PLK3: variants seen among roughly 807,000 people sequenced by gnomAD.
The protein encoded by PLK3 is serine/threonine-protein kinase PLK3.
PLK3 carries 41 observed loss-of-function variants against 71.6 expected under a neutral mutation model. The observed-to-expected ratio is 0.57, with a 90% confidence interval of 0.45 to 0.74. The LOEUF is 0.74. Ranked by LOEUF, PLK3 falls within the 30% of genes least tolerant of loss-of-function variation. The probability of loss-of-function intolerance (pLI) is 0.00; values close to 1 mark genes in which losing one functional copy is unlikely to be tolerated. For synonymous variants in PLK3, 366 were observed against 355.4 expected (o/e 1.03, Z -0.33); for missense variants, 791 against 875.6 (o/e 0.90, Z 1.22).
At position 44,800,648 on chromosome 1, in the gene PLK3, A is replaced by G. The variant is rs1651795869; in HGVS notation, c.185A>G (p.Tyr62Cys). The change falls in exon 1 of 15, where the codon TAC (tyrosine) becomes TGC (cysteine). Residue 62 changes from tyrosine (Y) to cysteine (C), a missense_variant. Coordinates refer to ENST00000372201, the MANE Select transcript of PLK3 (RefSeq NM_004073.4). The surrounding 1 kb of genome is among the most constrained non-coding windows in gnomAD (Gnocchi z 6.5). ...LITDPRSGRT[Y>C]LKGRLLGKGG... ...ACGGACCCGCGCAGCGGCCGCACCT[A>G]CCTCAAAGGCCGCTTGTTGGGCAAG... The G allele has an allele frequency of 1.9e-6, 3 of 1,547,766 alleles. No homozygotes were observed. The highest frequency in any genetic ancestry group is 2.6e-6 in the Non-Finnish European group (3 of 1,150,708).
rs754930255 is a variant in PLK3 at position 44,804,844 on chromosome 1, G to T, written c.1635+65G>T. 3 of 1,533,994 alleles carry T rather than the reference G, an allele frequency of 2.0e-6. No individual in the cohort carries two copies. The African/African-American group carries it at 4.1e-5, about 21-fold the overall frequency. On this transcript the variant is annotated intron_variant, in intron 13 of 14. Transcript: ENST00000372201. ...ATCCTGGCCGGGTGCGGTGGCTCAC[G>T]CCTGTAATCCCAGCACTTTGGGAGG...
rs1459905131 is a variant in PLK3, at chr1:44,804,752, C to T, written c.1608C>T (p.Ala536=). The T allele has an allele frequency of 1.2e-5, 19 of 1,614,110 alleles. No homozygotes were observed. The highest frequency in any genetic ancestry group is 8.5e-6 in the Non-Finnish European group (10 of 1,179,966). ...AGCTGGGTATCCTGCGGTACTTCGC[C>T]TCCTACATGGAGCAGCACCTCATGA... ...QPQLGILRYF[A]SYMEQHLMKG... The change falls in exon 13 of 15, where the codon GCC becomes GCT. Residue 536 remains alanine (A), a synonymous_variant. Transcript: ENST00000372201.
chr1:44,801,978 C>A (rs144145740), intron 5 of PLK3, 46 bp downstream of exon 5: 4 of 1,404,212 alleles, frequency 2.8e-6, no homozygotes, highest in African/African-American at 2.8e-5. Context: ...AGATGACATG[C>A]GTGATAGACA....
At chr1:44,801,502 C>G (rs1651828772) in intron 3 of PLK3, 120 bp from the exon 4 acceptor site, 1 of 1,106,174 alleles carries the variant, frequency 9.0e-7, no homozygotes, top group African/African-American at 1.6e-5. Flanking sequence ...GCCACTACAC[C>G]CAGCCGAGAA....
chr1:44,800,890 C>T lies in PLK3; in HGVS notation c.261C>T (p.Ala87=). ...YEATDTETGS[A]YAVKVIPQSR... is the part of the protein sequence containing the mutation. ...CCACTGACACAGAGACTGGCAGCGC[C>T]TACGCTGTCAAAGTCATCCCGCAGA... Residue 87 remains alanine, a synonymous_variant, in exon 2 of 15, where the codon GCC becomes GCT. Coordinates refer to ENST00000372201, the MANE Select transcript of PLK3 (RefSeq NM_004073.4). This position sits in a 1 kb window ranked among gnomAD's most constrained non-coding sequence, Gnocchi z 6.5. 6.2e-7 allele frequency: 1 copy of T among 1,612,178 alleles called. No individual in the cohort carries two copies. Among genetic ancestry groups the T allele is most frequent in the Non-Finnish European group, 8.5e-7 (1 of 1,179,874 alleles).
In PLK3 at chr1:44,804,241, C is replaced by T. The variant is rs1459797969; in HGVS notation, c.1337C>T (p.Pro446Leu). The change falls in exon 11 of 15, where the codon CCC becomes CTC. Residue 446 changes from proline to leucine, a missense_variant. Pro to Leu is a moderately conservative substitution (Grantham distance 98). Coordinates refer to ENST00000372201, the MANE Select transcript of PLK3 (RefSeq NM_004073.4). ...CTGAGAAATTGTATAGCCTTCATGC[C>T]CCCAGGTAAGGGTGGGGTCTGGTAC... Reference protein sequence around the residue: ...CALRNCIAFMPPAEQNPAPLA... With the variant: ...CALRNCIAFMLPAEQNPAPLA... 6.2e-7 allele frequency: 1 copy of T among 1,613,478 alleles called. No individual in the cohort carries two copies. The highest frequency in any genetic ancestry group is 1.3e-5 in the African/African-American group (1 of 74,874).
chr1:44,805,023 G>A lies in PLK3; in HGVS notation c.1636-243G>A, dbSNP rs992310192. The A allele has an allele frequency of 8.7e-6, 5 of 577,888 alleles. No individual in the cohort carries two copies. In the Admixed American group the frequency reaches 9.1e-5, roughly 11 times the overall value. 35.8% of individuals were successfully genotyped at this position (577,888 alleles called of 1,614,324 possible). On this transcript the variant is annotated intron_variant, in intron 13 of 14. Coordinates refer to ENST00000372201, the MANE Select transcript of PLK3 (RefSeq NM_004073.4). ...GGGAGGCTGAGGCAGGAGAATGGGC[G>A]AACCCAGGAGGCGGAGCTTGCAGTG...
In PLK3 at chr1:44,800,572, G is replaced by A. The variant is rs968361297; in HGVS notation, c.109G>A (p.Glu37Lys). 2 of 1,533,306 alleles carry A rather than the reference G, an allele frequency of 1.3e-6. No homozygotes were observed. The highest frequency in any genetic ancestry group is 1.7e-6 in the Non-Finnish European group (2 of 1,144,686). 95.0% of individuals were successfully genotyped at this position (1,533,306 alleles called of 1,614,324 possible). ...GPPPSALRGP[E>K]LEMLAGLPTS... ...GCCTCCGAGTGCCTTGCGCGGACCT[G>A]AGCTGGAGATGCTGGCCGGGCTACC... is the stretch of plus-strand genomic sequence containing the variant. Residue 37 changes from glutamate (E) to lysine (K), a missense_variant, in exon 1 of 15, where the codon GAG (glutamate) becomes AAG (lysine). Physicochemically the swap from Glu to Lys is moderately conservative, Grantham distance 56. Transcript: ENST00000372201. This position sits in a 1 kb window ranked among gnomAD's most constrained non-coding sequence, Gnocchi z 6.5.
chr1:44,805,548 C>G lies in PLK3; in HGVS notation c.1811C>G (p.Thr604Ser), dbSNP rs1651999157. 1.2e-6 allele frequency: 2 copies of G among 1,614,070 alleles called. No individual in the cohort carries two copies. The highest frequency in any genetic ancestry group is 4.5e-5 in the East Asian group (2 of 44,896). Residue 604 changes from threonine to serine, a missense_variant, in exon 15 of 15, where the codon ACT (threonine) becomes AGT (serine). By Grantham distance (58) the Thr-to-Ser change is moderately conservative. Transcript: ENST00000372201. ...ILSGWEPLLV[T>S]FVARNRSACT... ...AGTGGCTGGGAGCCCCTCCTTGTGA[C>G]TTTTGTGGCCCGAAATCGTAGTGCT... is the stretch of plus-strand genomic sequence containing the variant.
chr1:44,801,784 GGGGAGGGA>G lies in PLK3; in HGVS notation c.566-46_566-39del, dbSNP rs747873557. The G allele has an allele frequency of 3.8e-5, 61 of 1,594,248 alleles. 1 individual carries two copies. Among genetic ancestry groups the G allele is most frequent in the Middle Eastern group, 3.3e-4 (2 of 6,020 alleles). On this transcript the variant is annotated intron_variant, in intron 4 of 14. Coordinates refer to ENST00000372201, the MANE Select transcript of PLK3 (RefSeq NM_004073.4). Reference sequence around the variant, plus strand: ...TCCTGAGCCTGGAGGATGGGAGGTTGGGGAGGGAGGGAGGGAGGGAGGAAGGAAAGAAT... The same window carrying G: ...TCCTGAGCCTGGAGGATGGGAGGTTGGGGAGGGAGGGAGGAAGGAAAGAAT...
In PLK3 at chr1:44,804,149, C is replaced by T; in HGVS notation, c.1259-14C>T. 1 of 1,610,052 alleles carries T rather than the reference C, an allele frequency of 6.2e-7. No homozygotes were observed. The highest frequency in any genetic ancestry group is 1.1e-5 in the South Asian group (1 of 90,998). On this transcript the variant is annotated splice_polypyrimidine_tract_variant and intron_variant, in intron 10 of 14. Coordinates refer to ENST00000372201, the MANE Select transcript of PLK3 (RefSeq NM_004073.4). Reference sequence around the variant, plus strand: ...GGTGCTAATTCCTAAATCTCAGTGCCCTGTCTCCTTCAGGATTTGAAGAAG... The same window carrying T: ...GGTGCTAATTCCTAAATCTCAGTGCTCTGTCTCCTTCAGGATTTGAAGAAG...
chr1:44,802,808 A>C lies in PLK3; in HGVS notation c.702A>C (p.Arg234Ser). 1 of 1,613,876 alleles carries C rather than the reference A, an allele frequency of 6.2e-7. No individual in the cohort carries two copies. Among genetic ancestry groups the C allele is most frequent in the Non-Finnish European group, 8.5e-7 (1 of 1,179,890 alleles). Reference sequence around the variant, plus strand: ...ATGTGGCTCCAGAAGTGCTGCTGAGACAGGGCCACGGCCCTGAGGCGGATG... The same window carrying C: ...ATGTGGCTCCAGAAGTGCTGCTGAGCCAGGGCCACGGCCCTGAGGCGGATG... ...PNYVAPEVLL[R>S]QGHGPEADVW... Residue 234 changes from arginine to serine, a missense_variant, in exon 6 of 15, where the codon AGA becomes AGC. By Grantham distance (110) the Arg-to-Ser change is moderately radical. Transcript: ENST00000372201.
chr1:44,805,253 A>T lies in PLK3; in HGVS notation c.1636-13A>T, dbSNP rs772301805. 6.3e-6 allele frequency: 10 copies of T among 1,589,182 alleles called. No individual in the cohort carries two copies. Among genetic ancestry groups the T allele is most frequent in the Middle Eastern group, 1.7e-4 (1 of 6,010 alleles). Reference sequence around the variant, plus strand: ...CACGCTGGATCAGTGACCTGCCCTGATCCTGCTCCCAGGGTGGAGATCTGC... The same window carrying T: ...CACGCTGGATCAGTGACCTGCCCTGTTCCTGCTCCCAGGGTGGAGATCTGC... On this transcript the variant is annotated splice_polypyrimidine_tract_variant and intron_variant, in intron 13 of 14. Coordinates refer to ENST00000372201, the MANE Select transcript of PLK3 (RefSeq NM_004073.4).
rs981937897 is a variant in PLK3 at position 44,803,498 on chromosome 1, T to C, written c.1073-102T>C. ...TGCCTGGAAACTCCTGGGGAGAGCA[T>C]GTGCAGTACAGGCACTTGGGGAGGC... On this transcript the variant is annotated intron_variant, in intron 8 of 14. Coordinates refer to ENST00000372201, the MANE Select transcript of PLK3 (RefSeq NM_004073.4). The surrounding 1 kb of genome is among the most constrained non-coding windows in gnomAD (Gnocchi z 4.3). 5.0e-6 allele frequency: 8 copies of C among 1,585,858 alleles called. No homozygotes were observed. The highest frequency in any genetic ancestry group is 6.9e-6 in the Non-Finnish European group (8 of 1,156,764).
chr1:44,801,647 G>A lies in PLK3; in HGVS notation c.461G>A (p.Arg154Gln), dbSNP rs753006230. The change falls in exon 4 of 15, where the codon CGG becomes CAG. Residue 154 changes from arginine (R) to glutamine (Q), a missense_variant. Coordinates refer to ENST00000372201, the MANE Select transcript of PLK3 (RefSeq NM_004073.4). Reference protein sequence around the residue: ...RKSLAHIWKARHTLLEPEVRY... With the variant: ...RKSLAHIWKAQHTLLEPEVRY... ...TCCCTGGCCCACATCTGGAAGGCCCGGCACACCCTGTTGGAGCCAGAAGTG... is the reference window on the plus strand; with the variant it reads ...TCCCTGGCCCACATCTGGAAGGCCCAGCACACCCTGTTGGAGCCAGAAGTG... 1.1e-5 allele frequency: 17 copies of A among 1,613,792 alleles called. No homozygotes were observed. The highest frequency in any genetic ancestry group is 3.3e-4 in the Middle Eastern group (2 of 6,062).
chr1:44,802,688 C>T, intron 5 of PLK3, 72 bp from the exon 6 acceptor site: 5 of 1,021,324 alleles, frequency 4.9e-6, no homozygotes, highest in Non-Finnish European at 7.7e-6. Flanking sequence ...TCTGGACTAA[C>T]AGTGGGGGAA....
At chr1:44,802,041 A>C in intron 5 of PLK3, 109 bp downstream of exon 5, 2 of 805,362 alleles carry the variant, frequency 2.5e-6, no homozygotes, top group Non-Finnish European at 4.0e-6. Context: ...CATGAGATAA[A>C]TGGGAAGGGA....
rs773340563 is a variant in PLK3, at chr1:44,801,146, C to A, written c.429C>A (p.Ser143Arg). 3.7e-6 allele frequency: 6 copies of A among 1,603,218 alleles called. No homozygotes were observed. Among genetic ancestry groups the A allele is most frequent in the East Asian group, 2.2e-5 (1 of 44,786 alleles). ...DNIYIFLELCSRKSLAHIWKA... is the reference protein window; with the variant it reads ...DNIYIFLELCRRKSLAHIWKA... ...TCTACATTTTCTTGGAGCTCTGCAGCCGAAAGGTGAAAGATGGTGATTCCC... is the reference window on the plus strand; with the variant it reads ...TCTACATTTTCTTGGAGCTCTGCAGACGAAAGGTGAAAGATGGTGATTCCC... The change falls in exon 3 of 15, where the codon AGC becomes AGA. Residue 143 changes from serine to arginine, a missense_variant. Ser to Arg is a moderately radical substitution (Grantham distance 110). Coordinates refer to ENST00000372201, the MANE Select transcript of PLK3 (RefSeq NM_004073.4).
Position 44,805,875 on chromosome 1 carries a change from G to A in PLK3, c.*197G>A, listed in dbSNP as rs1804640. 4.2e-6 allele frequency: 6 copies of A among 1,421,646 alleles called. No individual in the cohort carries two copies. Among genetic ancestry groups the A allele is most frequent in the Non-Finnish European group, 5.6e-6 (6 of 1,071,860 alleles). 88.1% of individuals were successfully genotyped at this position (1,421,646 alleles called of 1,614,324 possible). The stretch of plus-strand genomic sequence containing the variant: ...ATCTCCAAGATAAGCCTGAGCCTTA[G>A]CTCCCAGCTAGGGGGCGTTATTTAT... On this transcript the variant is annotated 3_prime_UTR_variant, in exon 15 of 15. Coordinates refer to ENST00000372201, the MANE Select transcript of PLK3 (RefSeq NM_004073.4).
Sources: allele counts gnomAD v4.1 joint callset, GRCh38; gene constraint gnomAD v4.1.1; non-coding constraint Gnocchi (gnomAD v3.1); transcripts MANE v1.5; gene names NCBI Gene and HGNC (gene_info 2026-07-23, HGNC 2026-07-21).